Variants in PRKG1 observed in about 807,000 individuals in gnomAD.
PRKG1 encodes the protein cGMP-dependent protein kinase 1.
A neutral mutation model predicts 88.1 loss-of-function variants in PRKG1; 35 were observed. The observed-to-expected ratio is 0.40, with a 90% CI of 0.30 to 0.53. The LOEUF is 0.53. PRKG1 is among the 20% of genes least tolerant of loss of function. PRKG1 has a pLI of 0.59. For missense variants in PRKG1, 540 were observed against 839.8 expected, an observed-to-expected ratio of 0.64 and a Z score of 4.41; for synonymous variants, 303 against 292.5, an observed-to-expected ratio of 1.04 and a Z score of -0.37.
chr10:51,837,229 C>T (rs1840155082), intron 4 of PRKG1, among the ~76,000 whole-genome samples: 1 of 152,062 alleles, frequency 6.6e-6, no homozygotes, highest in African/African-American at 2.4e-5. Context: ...GAGGGTAGAA[C>T]TTGCTTTGAT....
intron 2 of PRKG1, among the ~76,000 whole-genome samples, chr10:51,348,948 C>T (rs1394189217): frequency 2.0e-5 from 3 of 152,008 alleles, no homozygotes; most frequent in Non-Finnish European, 4.4e-5. Context: ...AGGTGAAATC[C>T]GGAGCTAGGA....
chr10:51,980,731 T>C (rs1843985806), intron 5 of PRKG1, among the ~76,000 whole-genome samples: 1 of 152,228 alleles, frequency 6.6e-6, no homozygotes, highest in Non-Finnish European at 1.5e-5. Context: ...TTTACCATTA[T>C]GTAATGCCCT....
Position 52,278,145 on chromosome 10 carries a change from G to A in PRKG1, c.1404-2644G>A, listed in dbSNP as rs192868624. 1.2e-4 allele frequency among the ~76,000 whole-genome samples: 18 copies of A among 152,214 alleles called. No individual in the cohort carries two copies. The East Asian group carries it at 3.1e-3, about 26-fold the overall frequency. On this transcript the variant is annotated intron_variant, in intron 12 of 17. Coordinates refer to ENST00000373980, the MANE Select transcript of PRKG1 (RefSeq NM_006258.4). ...AAAAAACAGACAACCCTATCAAAAAGTGGGCAAAGGATATGAACAGACACT... is the reference window on the plus strand; with the variant it reads ...AAAAAACAGACAACCCTATCAAAAAATGGGCAAAGGATATGAACAGACACT...
chr10:51,370,191 T>G (rs1842672205), intron 2 of PRKG1, among the ~76,000 whole-genome samples: 1 of 152,146 alleles, frequency 6.6e-6, no homozygotes, highest in Non-Finnish European at 1.5e-5. Context: ...CCTGCTTGAA[T>G]GCTCTTTCCG....
chr10:51,804,340 A>C (rs1310454471), intron 3 of PRKG1, among the ~76,000 whole-genome samples: 2 of 152,148 alleles, frequency 1.3e-5, no homozygotes, highest in Non-Finnish European at 2.9e-5. Context: ...GAGCAAGGGC[A>C]ACAGGAATCT....
intron 3 of PRKG1, among the ~76,000 whole-genome samples, chr10:51,798,818 C>T (rs1024328965): frequency 5.9e-5 from 9 of 152,086 alleles, no homozygotes; most frequent in East Asian, 1.9e-4. Flanking sequence ...ATAATGTGCA[C>T]GGTTCTCACC....
chr10:51,604,528 A>G (rs1838704694), intron 3 of PRKG1, among the ~76,000 whole-genome samples: 1 of 152,246 alleles, frequency 6.6e-6, no homozygotes, highest in South Asian at 2.1e-4. Flanking sequence ...GGCTCTCGCC[A>G]CACAGATCAA....
chr10:52,050,581 T>G (rs1422332738), intron 5 of PRKG1, among the ~76,000 whole-genome samples: 2 of 152,138 alleles, frequency 1.3e-5, no homozygotes, highest in African/African-American at 4.8e-5. Flanking sequence ...AGTCCTGGTG[T>G]TACGACACCA....
chr10:51,467,932 T>C (rs769094192), intron 3 of PRKG1, 96 bp downstream of exon 3: 2 of 1,014,770 alleles, frequency 2.0e-6, no homozygotes, highest in Non-Finnish European at 3.0e-6. Context: ...ATCTTTATAC[T>C]TTTATTTCTT....
chr10:51,151,922 C>T (rs1231026415), intron 1 of PRKG1, among the ~76,000 whole-genome samples: 1 of 151,994 alleles, frequency 6.6e-6, no homozygotes, highest in East Asian at 1.9e-4. Flanking sequence ...GGTCACTCCC[C>T]TGGAAGCCAC....
At chr10:51,718,846 A>G (rs1841947125) in intron 3 of PRKG1, among the ~76,000 whole-genome samples, 1 of 151,834 alleles carries the variant, frequency 6.6e-6, no homozygotes, top group Admixed American at 6.6e-5. Context: ...GCAAAAAAAA[A>G]AAAAAGTTAG....
chr10:51,949,463 T>A (rs191794007), intron 5 of PRKG1, among the ~76,000 whole-genome samples: 290 of 150,916 alleles, frequency 1.9e-3, no homozygotes, highest in African/African-American at 2.4e-3. Context: ...TAAATAAATA[T>A]ATATATATAT....
At chr10:51,189,843 A>G (rs888583769) in intron 2 of PRKG1, among the ~76,000 whole-genome samples, 1 of 151,928 alleles carries the variant, frequency 6.6e-6, no homozygotes, top group Non-Finnish European at 1.5e-5. Flanking sequence ...TTTTGTATTT[A>G]TTTATTAGCT....
chr10:51,393,062 C>T (rs1303874795), intron 2 of PRKG1, among the ~76,000 whole-genome samples: 1 of 60,158 alleles, frequency 1.7e-5, no homozygotes, highest in Non-Finnish European at 3.7e-5. Flanking sequence ...ACTTCTCAGG[C>T]GGGGCGGCTG....
At chr10:51,373,214 A>G (rs867092031) in intron 2 of PRKG1, among the ~76,000 whole-genome samples, 1 of 152,196 alleles carries the variant, frequency 6.6e-6, no homozygotes, top group African/African-American at 2.4e-5. Flanking sequence ...CTATTTCTGT[A>G]TAACAAATTT....
chr10:51,475,163 C>G (rs1337401354), intron 3 of PRKG1, among the ~76,000 whole-genome samples: 1 of 151,980 alleles, frequency 6.6e-6, no homozygotes, highest in Non-Finnish European at 1.5e-5. Flanking sequence ...CTTCTGCTCC[C>G]TACCTCTATG....
chr10:52,114,557 A>ACTATATATATATATACATATAT (rs1554805858), intron 7 of PRKG1, among the ~76,000 whole-genome samples: 1 of 149,968 alleles, frequency 6.7e-6, no homozygotes, highest in African/African-American at 2.5e-5. Flanking sequence ...TAATATGCTG[A>ACTATATATATATATACATATAT]ATATATATAT....
intron 3 of PRKG1, among the ~76,000 whole-genome samples, chr10:51,479,194 A>G (rs1007838770): frequency 6.6e-6 from 1 of 151,942 alleles, no homozygotes; most frequent in Non-Finnish European, 1.5e-5. Flanking sequence ...TTCTGTATAG[A>G]CTGTTTTCCT....
intron 3 of PRKG1, among the ~76,000 whole-genome samples, chr10:51,688,018 T>C (rs1841038496): frequency 6.6e-6 from 1 of 152,192 alleles, no homozygotes; most frequent in Non-Finnish European, 1.5e-5. Flanking sequence ...GGTAAGGATT[T>C]TTGCCAATTC....
Sources: gnomAD v4.1 joint callset for allele counts (sites outside exome capture counted in the v4.1 genomes callset) on GRCh38, gnomAD v4.1.1 for gene constraint, MANE v1.5 for transcripts, NCBI Gene and HGNC (gene_info 2026-07-23, HGNC 2026-07-21) for gene names.